PLCB1: variants seen among roughly 807,000 people sequenced by gnomAD.
The protein encoded by PLCB1 is phospholipase C beta 1.
Under a neutral mutation model 161.8 loss-of-function variants are expected in PLCB1, and 46 were observed. The ratio of observed to expected loss-of-function variants is 0.28; its 90% CI spans 0.22 to 0.36. PLCB1 has a LOEUF of 0.36. Ranked by LOEUF, PLCB1 falls within the 10% of genes least tolerant of loss-of-function variation. The pLI is 1.00. For synonymous variants in PLCB1, 517 were observed against 503.7 expected, an observed-to-expected ratio of 1.03 and a Z score of -0.35; for missense variants, 1,016 against 1,472.5, an observed-to-expected ratio of 0.69 and a Z score of 5.07.
intron 31 of PLCB1, among the ~76,000 whole-genome samples, chr20:8,866,005 CTT>C (rs1987416805): frequency 6.6e-6 from 1 of 152,188 alleles, no homozygotes; most frequent in East Asian, 1.9e-4. Context: ...AAAGTGACGA[CTT>C]TGTATTCCAA....
intron 3 of PLCB1, among the ~76,000 whole-genome samples, chr20:8,476,720 A>G (rs1375835370): frequency 6.6e-6 from 1 of 152,126 alleles, no homozygotes; most frequent in Non-Finnish European, 1.5e-5. Context: ...AAGATCTTAG[A>G]GAAGGTGGAT....
chr20:8,688,406 T>G (rs1229975308), intron 10 of PLCB1, among the ~76,000 whole-genome samples: 1 of 152,222 alleles, frequency 6.6e-6, no homozygotes, highest in Non-Finnish European at 1.5e-5. Context: ...TTTTTGGTCA[T>G]GAAATCCTTG....
At chr20:8,337,990 G>A (rs893436000) in intron 2 of PLCB1, among the ~76,000 whole-genome samples, 2 of 152,124 alleles carry the variant, frequency 1.3e-5, no homozygotes, top group African/African-American at 4.8e-5. Context: ...AGACAAGGAT[G>A]AACAGAGAGG....
chr20:8,455,307 A>G (rs1383334430), intron 3 of PLCB1, among the ~76,000 whole-genome samples: 1 of 147,278 alleles, frequency 6.8e-6, no homozygotes, highest in Non-Finnish European at 1.5e-5. Flanking sequence ...CAGCCTGGGC[A>G]ACAGGGGAGA....
intron 3 of PLCB1, among the ~76,000 whole-genome samples, chr20:8,438,895 A>G (rs565233427): frequency 6.6e-6 from 1 of 152,286 alleles, no homozygotes; most frequent in African/African-American, 2.4e-5. Flanking sequence ...TTTTGTGATG[A>G]GATGGAGCAT....
At chr20:8,510,383 C>CTTTT (rs11479098) in intron 3 of PLCB1, among the ~76,000 whole-genome samples, 1 of 119,798 alleles carries the variant, frequency 8.3e-6, no homozygotes, top group Admixed American at 8.8e-5. Flanking sequence ...TTTTCTTTTT[C>CTTTT]TTTTTTTTTT....
intron 2 of PLCB1, among the ~76,000 whole-genome samples, chr20:8,326,933 T>A (rs551248043): frequency 6.6e-6 from 1 of 152,358 alleles, no homozygotes; most frequent in African/African-American, 2.4e-5. Flanking sequence ...TCGCTCAGGC[T>A]GGAGTGCTGT....
chr20:8,541,729 T>A (rs1985341407), intron 3 of PLCB1, among the ~76,000 whole-genome samples: 1 of 152,218 alleles, frequency 6.6e-6, no homozygotes, highest in South Asian at 2.1e-4. Context: ...CTGGATAAAA[T>A]ACATAACTAG....
chr20:8,690,951 C>A lies in PLCB1; in HGVS notation c.1009+5873C>A, dbSNP rs142789745. 1.6e-3 allele frequency among the ~76,000 whole-genome samples: 238 copies of A among 152,300 alleles called. 1 individual carries two copies. The highest frequency in any genetic ancestry group is 5.3e-3 in the African/African-American group (221 of 41,554). ...GCAAAGGCAGTCAAATCTACATTCT[C>A]ACAGTATTACCTTGCCCCAGTACCA... On this transcript the variant is annotated intron_variant, in intron 10 of 31. Coordinates refer to ENST00000338037, the MANE Select transcript of PLCB1 (RefSeq NM_015192.4).
intron 2 of PLCB1, among the ~76,000 whole-genome samples, chr20:8,267,512 C>G (rs920630342): frequency 3.9e-5 from 6 of 152,196 alleles, no homozygotes; most frequent in African/African-American, 1.4e-4. Context: ...CTTTCTGCTT[C>G]CCTCCTTCTC....
chr20:8,283,122 A>T (rs1187031557), intron 2 of PLCB1, among the ~76,000 whole-genome samples: 1 of 152,172 alleles, frequency 6.6e-6, no homozygotes, highest in Admixed American at 6.6e-5. Flanking sequence ...AGAGGAAAGG[A>T]TACTCTGGAC....
intron 3 of PLCB1, among the ~76,000 whole-genome samples, chr20:8,623,168 C>T (rs73895017): frequency 0.014 from 2,060 of 152,094 alleles, 44 homozygotes; most frequent in African/African-American, 0.047. Context: ...TTTAGGGATG[C>T]TCCTTTAACT....
chr20:8,374,577 T>C (rs1192175681), intron 3 of PLCB1, among the ~76,000 whole-genome samples: 2 of 152,188 alleles, frequency 1.3e-5, no homozygotes, highest in African/African-American at 4.8e-5. Flanking sequence ...TATCAGAGAA[T>C]TGTATCAGGA....
intron 3 of PLCB1, among the ~76,000 whole-genome samples, chr20:8,541,600 G>GAAAGAAAGAAATAAAT (rs1292981718): frequency 1.5e-4 from 22 of 150,646 alleles, no homozygotes; most frequent in Admixed American, 3.3e-4. Context: ...AAGAAAGAAA[G>GAAAGAAAGAAATAAAT]AAAGAAAGGA....
intron 18 of PLCB1, 141 bp downstream of exon 18, chr20:8,729,315 C>T: frequency 1.7e-6 from 1 of 599,716 alleles, no homozygotes; most frequent in Non-Finnish European, 2.6e-6. Flanking sequence ...AAGGGAATAT[C>T]AATGCATAAA....
chr20:8,472,904 T>C (rs1445042501), intron 3 of PLCB1, among the ~76,000 whole-genome samples: 1 of 152,124 alleles, frequency 6.6e-6, no homozygotes. Flanking sequence ...TACAAAATGC[T>C]CTTTCTGGTG....
Position 8,736,644 on chromosome 20 carries a change from G to A in PLCB1, c.2044-384G>A, listed in dbSNP as rs143019250. On this transcript the variant is annotated intron_variant, in intron 19 of 31. Coordinates refer to ENST00000338037, the MANE Select transcript of PLCB1 (RefSeq NM_015192.4). ...ACTTACAATTATGGTGGAAAGTGAAGGGGAAGCAAAGCACACCTCACATGA... is the reference window on the plus strand; with the variant it reads ...ACTTACAATTATGGTGGAAAGTGAAAGGGAAGCAAAGCACACCTCACATGA... 1.9e-3 allele frequency among the ~76,000 whole-genome samples: 286 copies of A among 152,312 alleles called. 2 individuals carry two copies. The highest frequency in any genetic ancestry group is 6.7e-3 in the African/African-American group (278 of 41,576).
chr20:8,701,562 A>AT (rs1978358831), intron 11 of PLCB1, among the ~76,000 whole-genome samples: 1 of 152,144 alleles, frequency 6.6e-6, no homozygotes, highest in African/African-American at 2.4e-5. Context: ...GGCACTTATC[A>AT]TATCACCTTC....
chr20:8,600,966 C>T (rs6086530), intron 3 of PLCB1, among the ~76,000 whole-genome samples: 5,734 of 152,080 alleles, frequency 0.038, 169 homozygotes, highest in African/African-American at 0.09. Context: ...AGCTCGCGCA[C>T]GGTGCGCGCA....
Sources: allele counts gnomAD v4.1 joint callset (sites outside exome capture counted in the v4.1 genomes callset), GRCh38; gene constraint gnomAD v4.1.1; transcripts MANE v1.5; gene names NCBI Gene and HGNC (gene_info 2026-07-23, HGNC 2026-07-21).